Variants in DTNA observed in about 807,000 individuals in gnomAD.
DTNA encodes dystrophin-related protein 3.
In DTNA, 43 loss-of-function variants were observed where a neutral mutation model predicts 100.7. That is an observed-to-expected ratio of 0.43 (90% CI 0.33 to 0.55). The LOEUF is 0.55. DTNA is among the 20% of genes least tolerant of loss of function. DTNA has a pLI of 0.04. For missense variants in DTNA, 798 were observed against 953.9 expected, an observed-to-expected ratio of 0.84 and a Z score of 2.15; for synonymous variants, 349 against 347.9, an observed-to-expected ratio of 1.00 and a Z score of -0.04.
At chr18:34,822,088 A>G (rs1018112772) in intron 9 of DTNA, among the ~76,000 whole-genome samples, 3 of 152,234 alleles carry the variant, frequency 2.0e-5, no homozygotes, top group African/African-American at 7.2e-5. Flanking sequence ...TCAGCTTACA[A>G]GCTGGCATGG....
chr18:34,502,755 G>A lies in DTNA; in HGVS notation c.-2+9241G>A, dbSNP rs2040063106. ...ATGATTTCAATTCTTTTAATTTGTT[G>A]AGGTTTATTTTATGTCCCAAAATGT... On this transcript the variant is annotated intron_variant, in intron 1 of 19. Coordinates refer to the DTNA transcript ENST00000283365. 2.0e-5 allele frequency among the ~76,000 whole-genome samples: 3 copies of A among 152,120 alleles called. No homozygotes were observed. In the South Asian group the frequency reaches 6.2e-4, roughly 31 times the overall value.
At chr18:34,603,946 G>A (rs904554547) in intron 1 of DTNA, among the ~76,000 whole-genome samples, 4 of 152,068 alleles carry the variant, frequency 2.6e-5, no homozygotes, top group Non-Finnish European at 4.4e-5. Flanking sequence ...AAAGCTCTAC[G>A]CTCTACTAAA....
intron 1 of DTNA, among the ~76,000 whole-genome samples, chr18:34,647,573 C>G (rs909232788): frequency 6.6e-6 from 1 of 152,160 alleles, no homozygotes; most frequent in Non-Finnish European, 1.5e-5. Context: ...AGTCAGTGGT[C>G]TTTGCCACAC....
At chr18:34,541,986 G>A (rs1568618557) in intron 1 of DTNA, among the ~76,000 whole-genome samples, 1 of 152,040 alleles carries the variant, frequency 6.6e-6, no homozygotes, top group Non-Finnish European at 1.5e-5. Context: ...TGTGCATGGG[G>A]AACAGGGAGA....
intron 1 of DTNA, among the ~76,000 whole-genome samples, chr18:34,613,371 A>G (rs2054601370): frequency 6.6e-6 from 1 of 152,204 alleles, no homozygotes; most frequent in Non-Finnish European, 1.5e-5. Context: ...AAGTGAAAGG[A>G]AGGATCCTGT....
chr18:34,792,951 A>G (rs1406218086), intron 3 of DTNA, among the ~76,000 whole-genome samples: 1 of 152,200 alleles, frequency 6.6e-6, no homozygotes, highest in Non-Finnish European at 1.5e-5. Context: ...AACAACCCAA[A>G]TGTTCATCAA....
At position 34,625,321 on chromosome 18, in the gene DTNA, G is replaced by A. The variant is rs112719012; in HGVS notation, c.-1-130655G>A. Among the ~76,000 whole-genome samples the A allele has an allele frequency of 2.0e-3, 299 of 152,200 alleles. 3 individuals carry two copies. Among genetic ancestry groups the A allele is most frequent in the African/African-American group, 6.7e-3 (280 of 41,540 alleles). On this transcript the variant is annotated intron_variant, in intron 1 of 19. Coordinates refer to the DTNA transcript ENST00000283365. The stretch of plus-strand genomic sequence containing the variant: ...TGGGATTACAGGTGTGAGCCACCAC[G>A]CCTGGCCCACCCAGTTAATTTTTGT...
rs2094582962 is a variant in DTNA, at chr18:34,788,355, G to T, written c.149-5682G>T. Reference sequence around the variant, plus strand: ...TCTCAATAACTAATGTATACTGAATGCTTATTATACAATGCTTATTATAAG... The same window carrying T: ...TCTCAATAACTAATGTATACTGAATTCTTATTATACAATGCTTATTATAAG... On this transcript the variant is annotated intron_variant, in intron 3 of 22. Transcript: ENST00000444659. Among the ~76,000 whole-genome samples, 7 of 152,190 alleles carry T rather than the reference G, an allele frequency of 4.6e-5. 1 individual carries two copies. The South Asian group carries it at 1.5e-3, about 32-fold the overall frequency.
chr18:34,843,940 C>T (rs2096323983), intron 13 of DTNA, among the ~76,000 whole-genome samples: 1 of 152,078 alleles, frequency 6.6e-6, no homozygotes, highest in South Asian at 2.1e-4. Flanking sequence ...GAAGAGTTAC[C>T]TACACTTACT....
At chr18:34,884,613 A>ACT (rs1270794738) in intron 21 of DTNA, 115 bp from the exon 22 acceptor site, 120 of 1,096,862 alleles carry the variant, frequency 1.1e-4, no homozygotes, top group Middle Eastern at 2.0e-4. Context: ...CACTCAATAG[A>ACT]CTCTCTCTCT....
chr18:34,663,134 C>T (rs777146552), intron 1 of DTNA, among the ~76,000 whole-genome samples: 2 of 151,866 alleles, frequency 1.3e-5, no homozygotes, highest in African/African-American at 4.8e-5. Context: ...GTGTAAATGA[C>T]GTTATTTTAT....
At chr18:34,815,579 G>A (rs1473121204) in intron 6 of DTNA, 3 of 272,028 alleles carry the variant, frequency 1.1e-5, no homozygotes, top group Non-Finnish European at 2.1e-5. Context: ...AAAATTCCAT[G>A]GAGAATTTCC....
intron 1 of DTNA, among the ~76,000 whole-genome samples, chr18:34,534,576 T>G (rs1331078694): frequency 1.3e-5 from 2 of 151,998 alleles, no homozygotes; most frequent in Admixed American, 1.3e-4. Context: ...GCTGCACCTA[T>G]CAACCCATCA....
At chr18:34,661,094 C>T (rs2075122576) in intron 1 of DTNA, among the ~76,000 whole-genome samples, 2 of 152,174 alleles carry the variant, frequency 1.3e-5, no homozygotes, top group Admixed American at 1.3e-4. Flanking sequence ...CATTTATTAG[C>T]TCTGTATTAC....
intron 11 of DTNA, among the ~76,000 whole-genome samples, chr18:34,835,785 T>C (rs911406593): frequency 1.3e-5 from 2 of 152,260 alleles, no homozygotes; most frequent in Non-Finnish European, 2.9e-5. Context: ...ATCTTTGTGG[T>C]TGACGTTCCT....
At chr18:34,821,477 T>A (rs961355323) in intron 9 of DTNA, 66 of 456,404 alleles carry the variant, frequency 1.4e-4, no homozygotes, top group Middle Eastern at 1.3e-3. Flanking sequence ...TCAAAGTATG[T>A]GTGAGTTTCG....
chr18:34,799,762 A>C (rs768079863), intron 4 of DTNA, among the ~76,000 whole-genome samples: 1 of 152,184 alleles, frequency 6.6e-6, no homozygotes, highest in Non-Finnish European at 1.5e-5. Context: ...TAAATATCCT[A>C]ATGTCACTCG....
At chr18:34,876,053 T>A (rs1285200683) in intron 18 of DTNA, among the ~76,000 whole-genome samples, 1 of 152,194 alleles carries the variant, frequency 6.6e-6, no homozygotes, top group Non-Finnish European at 1.5e-5. Context: ...AATAAAAAAA[T>A]CATTCTGTAG....
At chr18:34,838,966 A>G in intron 13 of DTNA, 129 bp downstream of exon 13, 1 of 756,340 alleles carries the variant, frequency 1.3e-6, no homozygotes, top group Non-Finnish European at 2.4e-6. Context: ...TAACTGGTTC[A>G]GTTAAGAAGT....
Sources: gnomAD v4.1 joint callset for allele counts (sites outside exome capture counted in the v4.1 genomes callset) on GRCh38, gnomAD v4.1.1 for gene constraint, MANE v1.5 for transcripts, NCBI Gene and HGNC (gene_info 2026-07-23, HGNC 2026-07-21) for gene names.